PLCB1: variants seen among roughly 807,000 people sequenced by gnomAD.
The protein encoded by PLCB1 is phospholipase C beta 1.
PLCB1 carries 46 observed loss-of-function variants against 161.8 expected under a neutral mutation model. The observed-to-expected ratio is 0.28, with a 90% CI of 0.22 to 0.36. PLCB1 has a LOEUF of 0.36. Ranked by LOEUF, PLCB1 falls within the 10% of genes least tolerant of loss-of-function variation. The pLI, the probability that PLCB1 is intolerant of heterozygous loss-of-function variation, is 1.00. For missense variants in PLCB1, 1,016 were observed against 1,472.5 expected (o/e 0.69, Z 5.07); for synonymous variants, 517 against 503.7 (o/e 1.03, Z -0.35).
intron 2 of PLCB1, among the ~76,000 whole-genome samples, chr20:8,335,032 A>G (rs1391042561): frequency 6.6e-6 from 1 of 152,210 alleles, no homozygotes; most frequent in Non-Finnish European, 1.5e-5. Context: ...GTCTTAATGA[A>G]TGAAGCTCTA....
intron 3 of PLCB1, among the ~76,000 whole-genome samples, chr20:8,505,910 A>G (rs544048791): frequency 2.0e-5 from 3 of 152,222 alleles, no homozygotes; most frequent in Non-Finnish European, 4.4e-5. Flanking sequence ...ATCTATCAAA[A>G]TGGACCACTG....
intron 3 of PLCB1, among the ~76,000 whole-genome samples, chr20:8,457,668 C>G (rs1413697056): frequency 6.6e-6 from 1 of 151,834 alleles, no homozygotes; most frequent in Non-Finnish European, 1.5e-5. Context: ...TATTCCTGGT[C>G]TCTTTATTCA....
At chr20:8,149,431 A>C (rs1323776999) in intron 1 of PLCB1, among the ~76,000 whole-genome samples, 1 of 152,200 alleles carries the variant, frequency 6.6e-6, no homozygotes, top group Non-Finnish European at 1.5e-5. Context: ...CCCAAATGCC[A>C]AAATTATCTC....
intron 1 of PLCB1, 44 bp from the exon 2 acceptor site, chr20:8,150,250 A>ATCTATC: frequency 1.2e-6 from 1 of 819,148 alleles, no homozygotes; most frequent in South Asian, 1.6e-5. Flanking sequence ...AGATTTTTCT[A>ATCTATC]CAGTGATATA....
At chr20:8,212,621 C>A (rs750073311) in intron 2 of PLCB1, among the ~76,000 whole-genome samples, 1 of 152,052 alleles carries the variant, frequency 6.6e-6, no homozygotes, top group African/African-American at 2.4e-5. Context: ...ACACAAGCCA[C>A]GTAGGCATAC....
intron 26 of PLCB1, among the ~76,000 whole-genome samples, chr20:8,770,182 G>A (rs532004009): frequency 3.9e-5 from 6 of 152,292 alleles, no homozygotes; most frequent in African/African-American, 1.2e-4. Context: ...TCGATCTCCT[G>A]ACCTCGTGAT....
chr20:8,138,253 C>T (rs956359040), intron 1 of PLCB1, among the ~76,000 whole-genome samples: 7 of 152,166 alleles, frequency 4.6e-5, no homozygotes, highest in African/African-American at 1.7e-4. Flanking sequence ...CAGTAAATAG[C>T]TTCAAGTTAT....
intron 7 of PLCB1, 72 bp from the exon 8 acceptor site, chr20:8,657,112 A>AG: frequency 1.2e-6 from 1 of 826,474 alleles, no homozygotes. Context: ...AAGAAGACAG[A>AG]GAAAAAACAG....
At chr20:8,645,999 A>G (rs1192014167) in intron 4 of PLCB1, 103 bp from the exon 5 acceptor site, 1 of 743,022 alleles carries the variant, frequency 1.3e-6, no homozygotes, top group Non-Finnish European at 2.4e-6. Context: ...AACCTTTGGC[A>G]TGCACATTGA....
At chr20:8,591,188 G>A (rs1247057125) in intron 3 of PLCB1, among the ~76,000 whole-genome samples, 1 of 152,124 alleles carries the variant, frequency 6.6e-6, no homozygotes, top group Admixed American at 6.5e-5. Flanking sequence ...ATTCCATGGT[G>A]TATAAGATCA....
At chr20:8,737,687 T>C (rs1159635952) in intron 20 of PLCB1, among the ~76,000 whole-genome samples, 1 of 152,204 alleles carries the variant, frequency 6.6e-6, no homozygotes, top group Non-Finnish European at 1.5e-5. Flanking sequence ...TTCTCTTTCT[T>C]CACCAAAAAG....
chr20:8,269,236 C>T (rs1039224503), intron 2 of PLCB1, among the ~76,000 whole-genome samples: 1 of 151,960 alleles, frequency 6.6e-6, no homozygotes, highest in Non-Finnish European at 1.5e-5. Context: ...CCTACCCCAT[C>T]CCCCCAACCC....
chr20:8,733,496 A>G (rs996971902), intron 19 of PLCB1, 104 bp downstream of exon 19: 6 of 995,208 alleles, frequency 6.0e-6, no homozygotes, highest in Non-Finnish European at 9.1e-6. Context: ...ACTAGGAAAG[A>G]TTCTACTTTC....
At chr20:8,614,032 C>G (rs534519762) in intron 3 of PLCB1, among the ~76,000 whole-genome samples, 6 of 151,938 alleles carry the variant, frequency 3.9e-5, no homozygotes, top group African/African-American at 1.2e-4. Flanking sequence ...AAAATAAATC[C>G]TACTTGAATA....
At chr20:8,494,888 A>G (rs562680277) in intron 3 of PLCB1, among the ~76,000 whole-genome samples, 1 of 152,266 alleles carries the variant, frequency 6.6e-6, no homozygotes, top group Admixed American at 6.5e-5. Flanking sequence ...ACCGTATTTC[A>G]CATGGTTGTT....
Position 8,729,200 on chromosome 20 carries a change from G to T in PLCB1, c.1888+26G>T, listed in dbSNP as rs1395555852. The T allele has an allele frequency of 3.2e-6, 5 of 1,561,032 alleles. No individual in the cohort carries two copies. The East Asian group carries it at 9.3e-5, about 29-fold the overall frequency. On this transcript the variant is annotated intron_variant, in intron 18 of 31. Coordinates refer to ENST00000338037, the MANE Select transcript of PLCB1 (RefSeq NM_015192.4). ...GTAAGTACATGCTTGTTCCCATTCTGCTATGAACTCACATTGCCAAGTGTC... is the reference window on the plus strand; with the variant it reads ...GTAAGTACATGCTTGTTCCCATTCTTCTATGAACTCACATTGCCAAGTGTC...
At chr20:8,452,547 G>A (rs1981118978) in intron 3 of PLCB1, among the ~76,000 whole-genome samples, 1 of 152,184 alleles carries the variant, frequency 6.6e-6, no homozygotes, top group Admixed American at 6.5e-5. Context: ...TGAATAACAT[G>A]TAGGTGCTGT....
chr20:8,831,974 CTTTCT>C lies in PLCB1; in HGVS notation c.3423+41716_3423+41720del, dbSNP rs1568617135. On this transcript the variant is annotated intron_variant, in intron 31 of 31. Coordinates refer to ENST00000338037, the MANE Select transcript of PLCB1 (RefSeq NM_015192.4). ...TCTTTCTTTCTTTCTTTCTTTCTTT[CTTTCT>C]TTCCTTCTTTCTTTCTGTGCTTCTT... Among the ~76,000 whole-genome samples, 109 of 83,430 alleles carry C rather than the reference CTTTCT, an allele frequency of 1.3e-3. 18 individuals carry two copies. The highest frequency in any genetic ancestry group is 2.1e-3 in the African/African-American group (53 of 24,672). 54.7% of individuals were successfully genotyped at this position (83,430 alleles called of 152,430 possible).
At chr20:8,519,252 G>A (rs1600122989) in intron 3 of PLCB1, among the ~76,000 whole-genome samples, 1 of 152,216 alleles carries the variant, frequency 6.6e-6, no homozygotes, top group South Asian at 2.1e-4. Flanking sequence ...AGTAAGAAGG[G>A]CATTCCTACA....
Sources: allele counts gnomAD v4.1 joint callset (sites outside exome capture counted in the v4.1 genomes callset), GRCh38; gene constraint gnomAD v4.1.1; transcripts MANE v1.5; gene names NCBI Gene and HGNC (gene_info 2026-07-23, HGNC 2026-07-21).